Variants in ATP10B observed in about 807,000 individuals in gnomAD.
ATP10B encodes ATPase phospholipid transporting 10B (putative), also known as phospholipid-transporting ATPase VB.
A neutral mutation model predicts 141.2 loss-of-function variants in ATP10B; 122 were observed. The observed-to-expected ratio is 0.86, with a 90% CI of 0.75 to 1.00. The LOEUF (loss-of-function observed/expected upper bound fraction) is 1.00. Ranked by LOEUF, ATP10B falls within the 50% of genes least tolerant of loss-of-function variation. The pLI, the probability that ATP10B is intolerant of heterozygous loss-of-function variation, is 0.00. For missense variants in ATP10B, 1,876 were observed against 1,825.3 expected, an observed-to-expected ratio of 1.03 and a Z score of -0.51; for synonymous variants, 685 against 692.0, an observed-to-expected ratio of 0.99 and a Z score of 0.16.
At chr5:160,647,754 G>T (rs2127685398) in intron 8 of ATP10B, among the ~76,000 whole-genome samples, 1 of 152,264 alleles carries the variant, frequency 6.6e-6, no homozygotes, top group African/African-American at 2.4e-5. Flanking sequence ...TACCTCCTTT[G>T]CAGCAAAGGC....
At chr5:160,786,025 C>A (rs1300154123) in intron 1 of ATP10B, among the ~76,000 whole-genome samples, 3 of 152,150 alleles carry the variant, frequency 2.0e-5, no homozygotes, top group Non-Finnish European at 4.4e-5. Context: ...ATACAGAATG[C>A]AAATTATGGT....
At chr5:160,658,026 T>C (rs1023942817) in intron 7 of ATP10B, among the ~76,000 whole-genome samples, 5 of 152,228 alleles carry the variant, frequency 3.3e-5, no homozygotes, top group South Asian at 2.1e-4. Flanking sequence ...TCCAACACTT[T>C]GTACCTCATG....
At chr5:160,735,167 A>C in intron 2 of ATP10B, among the ~76,000 whole-genome samples, 1 of 151,770 alleles carries the variant, frequency 6.6e-6, no homozygotes, top group East Asian at 1.9e-4. Context: ...CAAGAATAGC[A>C]CTGAATGTAA....
intron 1 of ATP10B, among the ~76,000 whole-genome samples, chr5:160,824,875 A>G (rs1581606510): frequency 6.6e-6 from 1 of 152,158 alleles, no homozygotes; most frequent in African/African-American, 2.4e-5. Flanking sequence ...TCTAGTCCCA[A>G]TCCGCCAATT....
chr5:160,622,914 C>CA (rs1159170978), intron 13 of ATP10B, among the ~76,000 whole-genome samples: 1 of 151,668 alleles, frequency 6.6e-6, no homozygotes, highest in Non-Finnish European at 1.5e-5. Context: ...TGCCTCTCAC[C>CA]TTTTTTTTTC....
intron 19 of ATP10B, 136 bp from the exon 20 acceptor site, chr5:160,604,177 TA>T (rs1229467304): frequency 1.3e-5 from 9 of 675,442 alleles, no homozygotes; most frequent in Non-Finnish European, 2.4e-5. Context: ...GTCATTGCTA[TA>T]GTGCTTAGCT....
At chr5:160,690,608 G>T (rs909914430) in intron 3 of ATP10B, among the ~76,000 whole-genome samples, 4 of 152,042 alleles carry the variant, frequency 2.6e-5, no homozygotes, top group Admixed American at 6.6e-5. Context: ...TGAAAAAAAG[G>T]TCATCATCAC....
intron 13 of ATP10B, among the ~76,000 whole-genome samples, chr5:160,625,228 C>G (rs932757847): frequency 1.3e-5 from 2 of 152,110 alleles, no homozygotes; most frequent in Non-Finnish European, 1.5e-5. Flanking sequence ...ATCTTAACAC[C>G]TATATCAGGC....
intron 25 of ATP10B, among the ~76,000 whole-genome samples, chr5:160,567,212 C>G (rs1024365389): frequency 6.6e-6 from 1 of 152,072 alleles, no homozygotes; most frequent in Admixed American, 6.5e-5. Flanking sequence ...AGGGATTAAG[C>G]CATGAATAGG....
At chr5:160,584,242 A>C (rs1297836952) in intron 24 of ATP10B, among the ~76,000 whole-genome samples, 1 of 152,078 alleles carries the variant, frequency 6.6e-6, no homozygotes, top group Non-Finnish European at 1.5e-5. Context: ...GCCAGAGTAG[A>C]CTGTTCCTCA....
the ATP10B span, among the ~76,000 whole-genome samples, chr5:160,868,259 C>T: frequency 6.6e-6 from 1 of 152,146 alleles, no homozygotes; most frequent in East Asian, 1.9e-4. Context: ...CTCTGGCTTC[C>T]TGATTAATTT....
At chr5:160,844,900 G>GA (rs1363476777) in intron 1 of ATP10B, among the ~76,000 whole-genome samples, 3 of 151,966 alleles carry the variant, frequency 2.0e-5, no homozygotes, top group Admixed American at 2.0e-4. Context: ...TAAATTGAAA[G>GA]AAAAAAACTG....
chr5:160,590,984 G>T, intron 23 of ATP10B, 75 bp downstream of exon 23: 1 of 1,282,986 alleles, frequency 7.8e-7, no homozygotes, highest in East Asian at 2.3e-5. Flanking sequence ...GGACACTACT[G>T]GTCTGGAACT....
chr5:160,816,115 G>A (rs1369738977), intron 1 of ATP10B, among the ~76,000 whole-genome samples: 1 of 150,648 alleles, frequency 6.6e-6, no homozygotes, highest in African/African-American at 2.4e-5. Context: ...AGAGAAGCAA[G>A]AGCAAACACA....
At chr5:160,864,322 CA>C in the ATP10B span, among the ~76,000 whole-genome samples, 1 of 151,828 alleles carries the variant, frequency 6.6e-6, no homozygotes, top group Non-Finnish European at 1.5e-5. Flanking sequence ...GAATCGAAAA[CA>C]AAAATTATGT....
intron 6 of ATP10B, among the ~76,000 whole-genome samples, chr5:160,678,428 GT>G (rs1188538491): frequency 6.6e-6 from 1 of 152,200 alleles, no homozygotes; most frequent in Non-Finnish European, 1.5e-5. Context: ...GGAGACCGAA[GT>G]GGGAGGACCA....
intron 7 of ATP10B, among the ~76,000 whole-genome samples, chr5:160,651,251 C>A (rs755752945): frequency 9.9e-5 from 15 of 152,078 alleles, no homozygotes; most frequent in Non-Finnish European, 1.9e-4. Context: ...CACCTGCAGA[C>A]CCTCTACTCC....
At chr5:160,919,409 A>T in the ATP10B span, among the ~76,000 whole-genome samples, 5 of 151,924 alleles carry the variant, frequency 3.3e-5, no homozygotes, top group Non-Finnish European at 5.9e-5. Flanking sequence ...GGACTCACAC[A>T]AAGCAAGTAC....
chr5:160,856,312 C>A (rs1304119339), upstream of ATP10B, among the ~76,000 whole-genome samples: 1 of 151,738 alleles, frequency 6.6e-6, no homozygotes, highest in Non-Finnish European at 1.5e-5. Context: ...CACATATGTT[C>A]TGGCTGGTAT....
Sources: gnomAD v4.1 joint callset for allele counts (sites outside exome capture counted in the v4.1 genomes callset) on GRCh38, gnomAD v4.1.1 for gene constraint, MANE v1.5 for transcripts, NCBI Gene and HGNC (gene_info 2026-07-23, HGNC 2026-07-21) for gene names.